POLN: variants seen among roughly 807,000 people sequenced by gnomAD.
The protein encoded by POLN is DNA polymerase nu, also known as DNA polymerase N.
A neutral mutation model predicts 113.5 loss-of-function variants in POLN; 108 were observed. The observed-to-expected ratio is 0.95, with a 90% CI of 0.81 to 1.12. POLN has a LOEUF of 1.12. POLN is among the 50% of genes most tolerant of loss of function. The pLI is 0.00. For synonymous variants in POLN, 386 were observed against 391.5 expected, an observed-to-expected ratio of 0.99 and a Z score of 0.17; for missense variants, 1,097 against 1,077.1, an observed-to-expected ratio of 1.02 and a Z score of -0.26.
At chr4:2,100,588 G>A (rs891740371) in intron 19 of POLN, among the ~76,000 whole-genome samples, 1 of 152,170 alleles carries the variant, frequency 6.6e-6, no homozygotes, top group Non-Finnish European at 1.5e-5. Flanking sequence ...AAGGTATCGG[G>A]AGGACTGGGG....
At chr4:2,192,202 A>T (rs1173124817) in intron 7 of POLN, among the ~76,000 whole-genome samples, 3 of 151,922 alleles carry the variant, frequency 2.0e-5, no homozygotes, top group Non-Finnish European at 4.4e-5. Context: ...GAAATTTTTG[A>T]CAATAAAAAG....
chr4:2,131,043 A>G (rs1482065707), intron 17 of POLN, among the ~76,000 whole-genome samples, 190 bp downstream of exon 17: 3 of 152,090 alleles, frequency 2.0e-5, no homozygotes, highest in African/African-American at 4.8e-5. Flanking sequence ...AAATTAGCCA[A>G]GTATGGTGGT....
At position 2,126,224 on chromosome 4, in the gene POLN, C is replaced by A. The variant is rs1422146806; in HGVS notation, c.1982+1889G>T. Reference sequence around the variant, plus strand: ...CTTTTGTCACTTTCCCTGCTGTCACCATAAACACAATTTCACAGCTACTCC... The same window carrying A: ...CTTTTGTCACTTTCCCTGCTGTCACAATAAACACAATTTCACAGCTACTCC... On this transcript the variant is annotated intron_variant, in intron 19 of 25. Transcript: ENST00000511885. This position sits in a 1 kb window ranked among gnomAD's most constrained non-coding sequence, Gnocchi z 4.6. Among the ~76,000 whole-genome samples, 1 of 152,200 alleles carries A rather than the reference C, an allele frequency of 6.6e-6. No homozygotes were observed. Among genetic ancestry groups the A allele is most frequent in the Non-Finnish European group, 1.5e-5 (1 of 68,040 alleles).
At chr4:2,235,435 C>T (rs28649478) in intron 2 of POLN, among the ~76,000 whole-genome samples, 25,296 of 152,130 alleles carry the variant, frequency 0.17, 3,601 homozygotes, top group African/African-American at 0.37. Context: ...CATATAAGAC[C>T]ATCATAGCAG....
intron 16 of POLN, among the ~76,000 whole-genome samples, chr4:2,149,969 G>C (rs986892979): frequency 1.3e-5 from 2 of 152,020 alleles, no homozygotes; most frequent in African/African-American, 2.4e-5. Context: ...TGTAATCCCA[G>C]CTACTCGGGA....
intron 20 of POLN, among the ~76,000 whole-genome samples, chr4:2,092,410 C>T (rs1042668798): frequency 3.9e-5 from 6 of 152,202 alleles, no homozygotes; most frequent in African/African-American, 7.2e-5. Context: ...TGCGCAGGGC[C>T]GTCAGGCTGG....
chr4:2,199,152 T>C (rs1298905559), intron 5 of POLN, among the ~76,000 whole-genome samples: 5 of 152,058 alleles, frequency 3.3e-5, no homozygotes, highest in African/African-American at 1.2e-4. Context: ...GCAATAAACA[T>C]GTGAAAATAA....
intron 19 of POLN, among the ~76,000 whole-genome samples, chr4:2,119,539 T>G (rs2108717654): frequency 6.6e-6 from 1 of 152,342 alleles, no homozygotes; most frequent in South Asian, 2.1e-4. Context: ...TCTCAAATTG[T>G]GGCTTTATAG....
chr4:2,123,901 A>C (rs1731513505), intron 19 of POLN, among the ~76,000 whole-genome samples: 1 of 152,116 alleles, frequency 6.6e-6, no homozygotes, highest in South Asian at 2.1e-4. Context: ...GAAACAACCC[A>C]AATGTCCATC....
At chr4:2,083,424 G>A (rs1730476597) in intron 21 of POLN, among the ~76,000 whole-genome samples, 1 of 152,224 alleles carries the variant, frequency 6.6e-6, no homozygotes, top group African/African-American at 2.4e-5. Flanking sequence ...GCTACCCACT[G>A]TCTAGTGTTG....
At chr4:2,081,573 C>G in intron 22 of POLN, 60 bp downstream of exon 22, 1 of 1,521,798 alleles carries the variant, frequency 6.6e-7, no homozygotes, top group Non-Finnish European at 9.1e-7. Context: ...CCCAGCCCTG[C>G]GGCTGCTAAA....
chr4:2,088,956 G>C, intron 20 of POLN: 2 of 954,004 alleles, frequency 2.1e-6, no homozygotes, highest in Non-Finnish European at 3.3e-6. Flanking sequence ...GCCTTGGTCC[G>C]AGACAGAGAA....
chr4:2,231,651 T>G (rs1734583430), intron 2 of POLN: 2 of 209,830 alleles, frequency 9.5e-6, no homozygotes, highest in East Asian at 1.2e-4. Flanking sequence ...GAGAGATAAC[T>G]ATATTAAAAA....
At chr4:2,088,312 A>G in intron 20 of POLN, among the ~76,000 whole-genome samples, 1 of 152,230 alleles carries the variant, frequency 6.6e-6, no homozygotes, top group Admixed American at 6.5e-5. Context: ...CATAAGAATA[A>G]TCTTCACACT....
chr4:2,192,242 T>A (rs1274477875), intron 7 of POLN, among the ~76,000 whole-genome samples: 2 of 152,178 alleles, frequency 1.3e-5, no homozygotes, highest in Non-Finnish European at 2.9e-5. Flanking sequence ...TATGAACATT[T>A]TCAAATATAT....
In POLN at chr4:2,173,749, C is replaced by T. The variant is rs148656838; in HGVS notation, c.1374+206G>A. On this transcript the variant is annotated intron_variant, in intron 11 of 25. Coordinates refer to ENST00000511885, the MANE Select transcript of POLN (RefSeq NM_181808.4). ...AGGATCCTGAGGAGCCATTAAAGAA[C>T]TCCCCGGACACACACGCACTAGATG... Among the ~76,000 whole-genome samples, 315 of 152,222 alleles carry T rather than the reference C, an allele frequency of 2.1e-3. 2 individuals carry two copies. Among genetic ancestry groups the T allele is most frequent in the African/African-American group, 7.3e-3 (305 of 41,532 alleles).
intron 6 of POLN, among the ~76,000 whole-genome samples, chr4:2,193,721 G>A (rs1328067361): frequency 1.3e-5 from 2 of 152,132 alleles, no homozygotes; most frequent in African/African-American, 4.8e-5. Flanking sequence ...CTCCACCACA[G>A]GCTGTGCCAC....
chr4:2,108,398 G>A (rs1731118784), intron 19 of POLN, among the ~76,000 whole-genome samples: 1 of 152,186 alleles, frequency 6.6e-6, no homozygotes, highest in Non-Finnish European at 1.5e-5. Context: ...TCAATCAGAT[G>A]TGCTTAGACA....
Position 2,107,449 on chromosome 4 carries a change from C to T in POLN, c.1983-11516G>A, listed in dbSNP as rs552766316. 9.2e-5 allele frequency among the ~76,000 whole-genome samples: 14 copies of T among 152,112 alleles called. No homozygotes were observed. The East Asian group carries it at 2.5e-3, about 27-fold the overall frequency. On this transcript the variant is annotated intron_variant, in intron 19 of 25. Transcript: ENST00000511885. ...CTTGCTGTTGTTTGTTAGCTTGCGG[C>T]GGGTAAATATTGTCAGCCATTGAAG... is the stretch of plus-strand genomic sequence containing the variant.
Sources: gnomAD v4.1 joint callset for allele counts (sites outside exome capture counted in the v4.1 genomes callset) on GRCh38, gnomAD v4.1.1 for gene constraint, Gnocchi (gnomAD v3.1) non-coding constraint, MANE v1.5 for transcripts, NCBI Gene and HGNC (gene_info 2026-07-23, HGNC 2026-07-21) for gene names.